Variants in CDKL4 observed in about 807,000 individuals in gnomAD.
CDKL4 encodes the protein cyclin-dependent kinase-like 4.
A neutral mutation model predicts 42.0 loss-of-function variants in CDKL4; 44 were observed. The observed-to-expected ratio is 1.05, with a 90% CI of 0.82 to 1.35. The LOEUF is 1.35. Ranked by LOEUF, CDKL4 falls within the 40% of genes most tolerant of loss-of-function variation. The probability of loss-of-function intolerance (pLI) is 0.00; values close to 1 mark genes in which losing one functional copy is unlikely to be tolerated. For synonymous variants in CDKL4, 120 were observed against 121.6 expected, an observed-to-expected ratio of 0.99 and a Z score of 0.09; for missense variants, 393 against 369.9, an observed-to-expected ratio of 1.06 and a Z score of -0.51.
exon 7 of CDKL4, chr2:39,187,698 G>A (rs199577858): frequency 3.7e-6 from 6 of 1,609,522 alleles, no homozygotes; most frequent in Non-Finnish European, 5.1e-6. Flanking sequence ...TGATGTCTTG[G>A]GATTAATTTT....
At chr2:39,175,393 C>A (rs948571889), downstream of CDKL4, among the ~76,000 whole-genome samples, 1 of 152,174 alleles carries the variant, frequency 6.6e-6, no homozygotes, top group Non-Finnish European at 1.5e-5. Flanking sequence ...ATGTAATTTT[C>A]TCTAGCTAGC....
intron 4 of CDKL4, among the ~76,000 whole-genome samples, chr2:39,209,805 A>T (rs894887226): frequency 6.6e-6 from 1 of 152,200 alleles, no homozygotes; most frequent in East Asian, 1.9e-4. Flanking sequence ...CTATCATGGG[A>T]GTTCCTTTAA....
At chr2:39,220,998 T>TG (rs1678308742) in intron 3 of CDKL4, among the ~76,000 whole-genome samples, 7 of 52,032 alleles carry the variant, frequency 1.3e-4, no homozygotes, top group East Asian at 6.6e-4. Flanking sequence ...TTTTTTTTTT[T>TG]TTGTTTTTTT....
chr2:39,241,977 A>C (rs1230215010), intron 1 of CDKL4, among the ~76,000 whole-genome samples: 1 of 152,200 alleles, frequency 6.6e-6, no homozygotes, highest in Non-Finnish European at 1.5e-5. Context: ...ATCAAGATTA[A>C]ATGGTGATAT....
intron 3 of CDKL4, among the ~76,000 whole-genome samples, chr2:39,218,276 G>A (rs1286870013): frequency 2.6e-5 from 4 of 152,064 alleles, no homozygotes; most frequent in Admixed American, 2.0e-4. Context: ...TGAGGCAGGA[G>A]GATTGCTTGA....
At chr2:39,221,859 C>T (rs1269838529) in intron 3 of CDKL4, among the ~76,000 whole-genome samples, 1 of 152,242 alleles carries the variant, frequency 6.6e-6, no homozygotes, top group African/African-American at 2.4e-5. Context: ...ATCTCCCTCA[C>T]TTCCCGGGGT....
In CDKL4 at chr2:39,232,832, T is replaced by C. The variant is rs11895080; in HGVS notation, c.-56-3244A>G. Reference sequence around the variant, plus strand: ...AGGCTGAGGCGGGCGGATCACGAGGTCAGGGGATCGAGACCATCCTGGCTA... The same window carrying C: ...AGGCTGAGGCGGGCGGATCACGAGGCCAGGGGATCGAGACCATCCTGGCTA... On this transcript the variant is annotated intron_variant, in intron 1 of 9. Transcript: ENST00000451199. Among the ~76,000 whole-genome samples the C allele has an allele frequency of 8.6e-3, 1,307 of 151,504 alleles. 23 individuals are homozygous for C. Among genetic ancestry groups the C allele is most frequent in the African/African-American group, 0.03 (1,220 of 41,314 alleles).
Position 39,225,968 on chromosome 2 carries a change from A to G in CDKL4, c.169-8T>C, listed in dbSNP as rs1293595096. ...ATTTGGATGTTTTAATTGCTGTGAA[A>G]GAATTGAAATGCAAAGTTAAGTGAT... On this transcript the variant is annotated splice_region_variant and splice_polypyrimidine_tract_variant and intron_variant, in intron 2 of 9. Transcript: ENST00000451199. 5.0e-6 allele frequency: 8 copies of G among 1,606,974 alleles called. No homozygotes were observed. The highest frequency in any genetic ancestry group is 6.8e-6 in the Non-Finnish European group (8 of 1,177,648).
chr2:39,220,551 T>G (rs554994933), intron 3 of CDKL4, among the ~76,000 whole-genome samples: 1 of 152,236 alleles, frequency 6.6e-6, no homozygotes, highest in African/African-American at 2.4e-5. Flanking sequence ...TTGGGCTGAT[T>G]ATAACAATAT....
intron 4 of CDKL4, among the ~76,000 whole-genome samples, chr2:39,205,411 T>C (rs1360210812): frequency 6.6e-6 from 1 of 151,982 alleles, no homozygotes; most frequent in Non-Finnish European, 1.5e-5. Flanking sequence ...AAAATTCACT[T>C]ATAATTAGAA....
At chr2:39,206,027 C>T (rs1478108751) in intron 4 of CDKL4, among the ~76,000 whole-genome samples, 1 of 149,608 alleles carries the variant, frequency 6.7e-6, no homozygotes, top group Non-Finnish European at 1.5e-5. Context: ...CCGAGGCACG[C>T]TGACCTCAAA....
chr2:39,215,386 T>A (rs1677854464), intron 3 of CDKL4, among the ~76,000 whole-genome samples: 1 of 152,252 alleles, frequency 6.6e-6, no homozygotes, highest in African/African-American at 2.4e-5. Flanking sequence ...CATGGTCTGT[T>A]ATATATGCTG....
intron 5 of CDKL4, among the ~76,000 whole-genome samples, chr2:39,193,396 A>G (rs1045165720): frequency 2.0e-5 from 3 of 149,876 alleles, no homozygotes; most frequent in African/African-American, 7.4e-5. Context: ...TGTTTTTGAG[A>G]TGGAGTTTCG....
the CDKL4 span, among the ~76,000 whole-genome samples, chr2:39,168,974 C>A: frequency 6.6e-6 from 1 of 152,052 alleles, no homozygotes; most frequent in Non-Finnish European, 1.5e-5. Context: ...CCAGGATGGT[C>A]TGGATCTGTT....
chr2:39,179,665 A>G (rs1226057247), intron 8 of CDKL4, among the ~76,000 whole-genome samples: 1 of 152,218 alleles, frequency 6.6e-6, no homozygotes, highest in Non-Finnish European at 1.5e-5. Flanking sequence ...GCGTCGCAGG[A>G]ACTTCCTAGA....
chr2:39,244,904 C>G (rs1679844961), upstream of CDKL4, among the ~76,000 whole-genome samples: 1 of 152,106 alleles, frequency 6.6e-6, no homozygotes, highest in Non-Finnish European at 1.5e-5. Context: ...TCTAGCTGCT[C>G]TGGTGGGGCC....
intron 3 of CDKL4, among the ~76,000 whole-genome samples, chr2:39,214,208 A>C (rs11888511): frequency 0.063 from 9,580 of 152,214 alleles, 599 homozygotes; most frequent in African/African-American, 0.16. Context: ...CAGGTGTGAG[A>C]CACTATGCCC....
rs544340135 is a variant in CDKL4, at chr2:39,196,827, C to T, written c.455-6325G>A. The stretch of plus-strand genomic sequence containing the variant: ...TTAGCCATGTTGGCCAGGCTGGTCT[C>T]GAACTCCTGACCTCAGGTATCTGCC... On this transcript the variant is annotated intron_variant, in intron 5 of 9. Transcript: ENST00000451199. Among the ~76,000 whole-genome samples, 7 of 152,248 alleles carry T rather than the reference C, an allele frequency of 4.6e-5. No homozygotes were observed. The South Asian group carries it at 1.0e-3, about 23-fold the overall frequency.
At chr2:39,238,129 T>C (rs2148407868) in intron 1 of CDKL4, among the ~76,000 whole-genome samples, 1 of 152,318 alleles carries the variant, frequency 6.6e-6, no homozygotes, top group East Asian at 1.9e-4. Flanking sequence ...TTTCATAAAT[T>C]CATCTATAAA....
Sources: gnomAD v4.1 joint callset for allele counts (sites outside exome capture counted in the v4.1 genomes callset) on GRCh38, gnomAD v4.1.1 for gene constraint, MANE v1.5 for transcripts, NCBI Gene and HGNC (gene_info 2026-07-23, HGNC 2026-07-21) for gene names.